The following DCC variants were observed in gnomAD, a reference collection of about 807,000 sequenced individuals.
The protein encoded by DCC is netrin receptor DCC.
In DCC, 58 loss-of-function variants were observed where a neutral mutation model predicts 172.5. The ratio of observed to expected loss-of-function variants is 0.34; its 90% CI spans 0.27 to 0.42. DCC has a LOEUF of 0.42. DCC is among the 10% of genes least tolerant of loss of function. The pLI, the probability that DCC is intolerant of heterozygous loss-of-function variation, is 1.00. For synonymous variants in DCC, 709 were observed against 644.5 expected (o/e 1.10, Z -1.52); for missense variants, 1,740 against 1,791.0 (o/e 0.97, Z 0.51).
chr18:53,451,949 T>C (rs1272115464), intron 23 of DCC, among the ~76,000 whole-genome samples: 1 of 152,180 alleles, frequency 6.6e-6, no homozygotes, highest in East Asian at 1.9e-4. Context: ...TTTATGAGAT[T>C]TGACTAGTTT....
chr18:52,616,131 A>C (rs2034377106), intron 1 of DCC, among the ~76,000 whole-genome samples: 2 of 152,210 alleles, frequency 1.3e-5, no homozygotes, highest in Non-Finnish European at 2.9e-5. Context: ...ATTAGTAATA[A>C]CTAAACTCTC....
chr18:53,495,170 G>T (rs6508233), intron 26 of DCC, among the ~76,000 whole-genome samples: 130,318 of 152,094 alleles, frequency 0.86, 56,048 homozygotes, highest in Non-Finnish European at 0.88. Flanking sequence ...GGCTGGTGGA[G>T]CACCTGAGGT....
chr18:53,354,187 A>G (rs2057849617), intron 15 of DCC, among the ~76,000 whole-genome samples: 2 of 152,148 alleles, frequency 1.3e-5, no homozygotes, highest in Admixed American at 6.5e-5. Context: ...GTTGGTTCCA[A>G]GTCTTTGCTA....
chr18:53,075,368 T>TC (rs1417871398), intron 7 of DCC, among the ~76,000 whole-genome samples: 3 of 152,198 alleles, frequency 2.0e-5, no homozygotes, highest in African/African-American at 7.2e-5. Context: ...AGCTCAGTGC[T>TC]AATCAAGAGG....
At chr18:53,526,497 C>T in intron 27 of DCC, 120 bp from the exon 28 acceptor site, 1 of 1,061,944 alleles carries the variant, frequency 9.4e-7, no homozygotes, top group South Asian at 1.3e-5. Flanking sequence ...CATCTTTACA[C>T]TACAGAATGA....
intron 27 of DCC, among the ~76,000 whole-genome samples, chr18:53,503,707 G>A (rs2046133128): frequency 6.6e-6 from 1 of 152,120 alleles, no homozygotes; most frequent in South Asian, 2.1e-4. Context: ...GAGACCATTT[G>A]TCTTCTAGAG....
intron 1 of DCC, among the ~76,000 whole-genome samples, chr18:52,713,079 G>A (rs1420698908): frequency 1.3e-5 from 2 of 152,190 alleles, no homozygotes; most frequent in Non-Finnish European, 2.9e-5. Flanking sequence ...TTAGTGCCTA[G>A]CCGGGAAATT....
intron 1 of DCC, chr18:52,409,271 A>G (rs1986761725): frequency 6.6e-6 from 1 of 152,118 alleles, no homozygotes; most frequent in Non-Finnish European, 1.5e-5. Flanking sequence ...GTAGGTAAGG[A>G]TGCTATCCAA....
intron 27 of DCC, among the ~76,000 whole-genome samples, chr18:53,506,213 A>ATAAT (rs975864591): frequency 1.3e-5 from 2 of 152,182 alleles, no homozygotes; most frequent in African/African-American, 2.4e-5. Flanking sequence ...TGGTCAGAAT[A>ATAAT]TAATAAAATA....
At chr18:53,396,552 A>G (rs763356791) in intron 17 of DCC, among the ~76,000 whole-genome samples, 3 of 152,194 alleles carry the variant, frequency 2.0e-5, no homozygotes, top group Non-Finnish European at 4.4e-5. Context: ...TCCTTGATCA[A>G]TTGCTCCAGT....
At chr18:52,945,031 A>G (rs1254557443) in intron 5 of DCC, among the ~76,000 whole-genome samples, 2 of 152,170 alleles carry the variant, frequency 1.3e-5, no homozygotes, top group African/African-American at 4.8e-5. Context: ...AAAATACTCA[A>G]TTTCTGCACA....
intron 23 of DCC, 98 bp downstream of exon 23, chr18:53,450,760 T>C (rs898722338): frequency 2.9e-5 from 29 of 1,012,342 alleles, no homozygotes; most frequent in Non-Finnish European, 4.1e-5. Flanking sequence ...ATTCACCCCA[T>C]GTCCTTACTT....
intron 8 of DCC, among the ~76,000 whole-genome samples, chr18:53,176,020 G>A (rs1211795207): frequency 2.7e-5 from 4 of 150,570 alleles, no homozygotes; most frequent in Non-Finnish European, 4.4e-5. Context: ...CAGAAATAAC[G>A]TCGCATATCT....
intron 1 of DCC, among the ~76,000 whole-genome samples, chr18:52,527,613 G>C (rs2032022097): frequency 1.3e-5 from 2 of 152,164 alleles, no homozygotes; most frequent in African/African-American, 4.8e-5. Context: ...TAGGCCATTA[G>C]TATGTATATG....
At chr18:52,342,930 T>C (rs963460305) in intron 1 of DCC, among the ~76,000 whole-genome samples, 26 of 152,320 alleles carry the variant, frequency 1.7e-4, no homozygotes, top group Non-Finnish European at 3.5e-4. Flanking sequence ...GTATTACTGC[T>C]TCATTTTAAT....
At chr18:53,347,886 G>C (rs1365959485) in intron 15 of DCC, among the ~76,000 whole-genome samples, 1 of 152,116 alleles carries the variant, frequency 6.6e-6, no homozygotes, top group Non-Finnish European at 1.5e-5. Context: ...GTGCAGGAAA[G>C]ACCTGTTCCT....
chr18:52,843,401 C>T (rs2038838130), intron 2 of DCC, among the ~76,000 whole-genome samples: 1 of 152,046 alleles, frequency 6.6e-6, no homozygotes, highest in Non-Finnish European at 1.5e-5. Context: ...GGTGAAAGCT[C>T]AAGGCAGGTC....
chr18:52,390,786 T>A (rs2144348336), intron 1 of DCC, among the ~76,000 whole-genome samples: 1 of 152,218 alleles, frequency 6.6e-6, no homozygotes, highest in South Asian at 2.1e-4. Context: ...TAGTTATTCC[T>A]CATATCCATC....
In DCC at chr18:53,534,883, T is replaced by C. The variant is rs541850619; in HGVS notation, c.*4230T>C. On this transcript the variant is annotated 3_prime_UTR_variant, in exon 29 of 29. Transcript: ENST00000442544. ...TAACGTTCACGTGGCAGACTTCCAGTTGCACTCTCTGAAGGACTTTTTTCT... is the reference window on the plus strand; with the variant it reads ...TAACGTTCACGTGGCAGACTTCCAGCTGCACTCTCTGAAGGACTTTTTTCT... The C allele has an allele frequency of 2.0e-5, 3 of 152,298 alleles. No homozygotes were observed. In the South Asian group the frequency reaches 6.2e-4, roughly 32 times the overall value. The allele number at this position is 152,298 out of a possible 1,614,324, so 9.4% of individuals were successfully genotyped here. A position where few individuals can be genotyped will look rare whatever the true frequency, so the allele number is the denominator to read the frequency against.
Sources: gnomAD v4.1 joint callset for allele counts (sites outside exome capture counted in the v4.1 genomes callset) on GRCh38, gnomAD v4.1.1 for gene constraint, MANE v1.5 for transcripts, NCBI Gene and HGNC (gene_info 2026-07-23, HGNC 2026-07-21) for gene names.